ZFP91: variants seen among roughly 807,000 people sequenced by gnomAD.
ZFP91 encodes the protein ZFP91 zinc finger protein, atypical E3 ubiquitin ligase, also known as E3 ubiquitin-protein ligase ZFP91.
ZFP91 carries 7 observed loss-of-function variants against 63.5 expected under a neutral mutation model. The ratio of observed to expected loss-of-function variants is 0.11; its 90% confidence interval spans 0.06 to 0.21. ZFP91 has a LOEUF of 0.21. Ranked by LOEUF, ZFP91 falls within the 10% of genes least tolerant of loss-of-function variation. The pLI is 1.00. For missense variants in ZFP91, 628 were observed against 736.6 expected, an observed-to-expected ratio of 0.85 and a Z score of 1.71; for synonymous variants, 330 against 272.1, an observed-to-expected ratio of 1.21 and a Z score of -2.10.
Position 58,609,887 on chromosome 11 carries a change from T to C in ZFP91, c.428T>C (p.Ile143Thr), listed in dbSNP as rs1480229735. The change falls in exon 3 of 11, where the codon ATT becomes ACT. Residue 143 changes from isoleucine to threonine, a missense_variant. Ile to Thr is a moderately conservative substitution (Grantham distance 89, BLOSUM62 -1). Transcript: ENST00000316059. ...TCTGCCCTCCCTCAGGAAGTTTCCA[T>C]TGCTGCATCTAGACCTAGCCGGGGC... ...DDSALPQEVS[I>T]AASRPSRGWR... is the part of the protein sequence containing the mutation. The C allele has an allele frequency of 1.2e-6, 2 of 1,614,232 alleles. No homozygotes were observed. The highest frequency in any genetic ancestry group is 1.1e-5 in the South Asian group (1 of 91,088).
At chr11:58,611,118 C>T (rs781151120) in intron 5 of ZFP91, 64 bp downstream of exon 5, 10 of 1,448,364 alleles carry the variant, frequency 6.9e-6, no homozygotes, top group Non-Finnish European at 7.7e-6. Flanking sequence ...CTGTTGCATG[C>T]TTTTATTTTA....
chr11:58,595,601 G>A (rs1277186238), intron 2 of ZFP91, among the ~76,000 whole-genome samples: 14 of 149,520 alleles, frequency 9.4e-5, no homozygotes, highest in African/African-American at 2.5e-5. Context: ...GTTTTGAGAC[G>A]GGGTCGTACT....
chr11:58,612,066 T>G, intron 6 of ZFP91: 1 of 584,020 alleles, frequency 1.7e-6, no homozygotes. Context: ...AGGTATATAT[T>G]TAATCTGTCT....
intron 2 of ZFP91, among the ~76,000 whole-genome samples, chr11:58,587,621 C>G (rs1855233625): frequency 6.6e-6 from 1 of 152,118 alleles, no homozygotes; most frequent in South Asian, 2.1e-4. Context: ...TCCTTTTTAA[C>G]TTGGCTTTAT....
At position 58,611,787 on chromosome 11, in the gene ZFP91, T is replaced by C. The variant is rs367879299; in HGVS notation, c.857+49T>C. ...GAAAATCTAACAGATTTTGAACGAC[T>C]AGTGGAAAAAAGAGTGGGAGTGTGA... On this transcript the variant is annotated intron_variant, in intron 6 of 10. Coordinates refer to ENST00000316059, the MANE Select transcript of ZFP91 (RefSeq NM_053023.5). 5.1e-6 allele frequency: 8 copies of C among 1,554,106 alleles called. No homozygotes were observed. The African/African-American group carries it at 9.7e-5, about 19-fold the overall frequency.
chr11:58,579,215 C>G lies in ZFP91; in HGVS notation c.-67C>G. The G allele has an allele frequency of 1.5e-6, 2 of 1,293,250 alleles. No individual in the cohort carries two copies. The allele number at this position is 1,293,250 out of a possible 1,614,324, so 80.1% of individuals were successfully genotyped here. A position where few individuals can be genotyped will look rare whatever the true frequency, so the allele number is the denominator to read the frequency against. ...TCGGGAGGCGAGGGGGCGGGGGGAGCAGCGCCGAGGCCGCCGCCTCCGCCT... is the reference window on the plus strand; with the variant it reads ...TCGGGAGGCGAGGGGGCGGGGGGAGGAGCGCCGAGGCCGCCGCCTCCGCCT... On this transcript the variant is annotated 5_prime_UTR_variant, in exon 1 of 11. Transcript: ENST00000316059.
Position 58,621,411 on chromosome 11 carries a change from A to G in ZFP91, c.*3705A>G, listed in dbSNP as rs1269716640. 6.6e-6 allele frequency among the ~76,000 whole-genome samples: 1 copy of G among 152,252 alleles called. No homozygotes were observed. The highest frequency in any genetic ancestry group is 1.9e-4 in the East Asian group (1 of 5,206). On this transcript the variant is annotated 3_prime_UTR_variant, in exon 11 of 11. Coordinates refer to ENST00000316059, the MANE Select transcript of ZFP91 (RefSeq NM_053023.5). ...CTTCTTCTCAAAATTGAATGTTTAT[A>G]TCAAGTACTGATTTTTATTTTAAAA...
At chr11:58,596,994 G>A (rs988403347) in intron 2 of ZFP91, among the ~76,000 whole-genome samples, 2 of 152,064 alleles carry the variant, frequency 1.3e-5, no homozygotes, top group African/African-American at 4.8e-5. Context: ...TTGTGTTTGG[G>A]GGGCAAGTAG....
In ZFP91 at chr11:58,579,091, T is replaced by A; in HGVS notation, c.-191T>A. 1 of 357,496 alleles carries A rather than the reference T, an allele frequency of 2.8e-6. No individual in the cohort carries two copies. The highest frequency in any genetic ancestry group is 4.5e-6 in the Non-Finnish European group (1 of 222,556). 22.1% of individuals were successfully genotyped at this position (357,496 alleles called of 1,614,324 possible). ...GCGCGCGCGCGCGCGCCGCCAGCGG[T>A]AGCGGACCTTGAGTGGCAGGGGGTG... is the stretch of plus-strand genomic sequence containing the variant. On this transcript the variant is annotated 5_prime_UTR_variant, in exon 1 of 11. Transcript: ENST00000316059.
chr11:58,579,709 A>G (rs1451008610), intron 1 of ZFP91, 87 bp downstream of exon 1: 7 of 1,281,098 alleles, frequency 5.5e-6, no homozygotes, highest in Non-Finnish European at 7.2e-6. Context: ...ACTCCACGTG[A>G]CATCCTGCCT....
chr11:58,600,011 A>G (rs1175838861), intron 2 of ZFP91, among the ~76,000 whole-genome samples: 2 of 152,164 alleles, frequency 1.3e-5, no homozygotes. Context: ...ATAGATTTAT[A>G]TCTGGACCTT....
At chr11:58,583,825 T>G (rs1184964008) in intron 1 of ZFP91, among the ~76,000 whole-genome samples, 1 of 152,066 alleles carries the variant, frequency 6.6e-6, no homozygotes, top group Non-Finnish European at 1.5e-5. Flanking sequence ...GATTTTTGTA[T>G]TACACTGTGG....
chr11:58,606,571 G>A (rs1418310789), intron 2 of ZFP91, among the ~76,000 whole-genome samples: 1 of 152,092 alleles, frequency 6.6e-6, no homozygotes, highest in Non-Finnish European at 1.5e-5. Context: ...TGTATGATAT[G>A]AAATTTAGGA....
rs1554959257 is a variant in ZFP91, at chr11:58,617,096, G to GTGTA, written c.1203-94_1203-91dup. 1.6e-5 allele frequency: 16 copies of GTGTA among 1,012,108 alleles called. No individual in the cohort carries two copies. The South Asian group carries it at 2.4e-4, about 15-fold the overall frequency. The allele number at this position is 1,012,108 out of a possible 1,614,324, so 62.7% of individuals were successfully genotyped here. A position where few individuals can be genotyped will look rare whatever the true frequency, so the allele number is the denominator to read the frequency against. The stretch of plus-strand genomic sequence containing the variant: ...TGTGTGTGTGTGTGTGTGTGTGTGT[G>GTGTA]TGTATGTATATATATGCTCTAAACT... On this transcript the variant is annotated intron_variant, in intron 10 of 10. Transcript: ENST00000316059. This position sits in a 1 kb window ranked among gnomAD's most constrained non-coding sequence, Gnocchi z 4.2.
At chr11:58,604,578 T>G (rs1050641174) in intron 2 of ZFP91, among the ~76,000 whole-genome samples, 1 of 152,222 alleles carries the variant, frequency 6.6e-6, no homozygotes, top group African/African-American at 2.4e-5. Context: ...ACTATTCGCA[T>G]GTAATATCTT....
chr11:58,610,840 C>A, intron 4 of ZFP91, 110 bp from the exon 5 acceptor site: 2 of 839,280 alleles, frequency 2.4e-6, no homozygotes, highest in Non-Finnish European at 3.5e-6. Flanking sequence ...GATGAAAATG[C>A]TAGATGACTT....
intron 2 of ZFP91, 35 bp downstream of exon 2, chr11:58,584,919 T>A (rs1855179935): frequency 2.1e-6 from 3 of 1,433,604 alleles, no homozygotes; most frequent in Non-Finnish European, 2.8e-6. Context: ...TAGCGTACAT[T>A]ACACTGATTA....
intron 3 of ZFP91, 46 bp downstream of exon 3, chr11:58,610,085 A>G (rs2507759): frequency 0.019 from 29,511 of 1,594,748 alleles, 750 homozygotes; most frequent in African/African-American, 0.12. Context: ...AGTTGCTGTT[A>G]CATTTTAAAT....
intron 2 of ZFP91, among the ~76,000 whole-genome samples, chr11:58,587,780 A>G (rs1335624525): frequency 6.6e-6 from 1 of 152,126 alleles, no homozygotes; most frequent in Non-Finnish European, 1.5e-5. Context: ...TATGAAGCCT[A>G]ATTTTTTTTT....
Sources: allele counts gnomAD v4.1 joint callset (sites outside exome capture counted in the v4.1 genomes callset), GRCh38; gene constraint gnomAD v4.1.1; non-coding constraint Gnocchi (gnomAD v3.1); transcripts MANE v1.5; gene names NCBI Gene and HGNC (gene_info 2026-07-23, HGNC 2026-07-21).